Variants in ITFG2 observed in about 807,000 individuals in gnomAD.
The protein encoded by ITFG2 is integrin alpha FG-GAP repeat containing 2.
Under a neutral mutation model 54.4 loss-of-function variants are expected in ITFG2, and 36 were observed. That is an observed-to-expected ratio of 0.66 (90% CI 0.51 to 0.87). ITFG2 has a LOEUF of 0.87. Among genes scored for constraint, ITFG2 ranks in the 40% least tolerant of loss-of-function variants. The pLI, the probability that ITFG2 is intolerant of heterozygous loss-of-function variation, is 0.00. For synonymous variants in ITFG2, 211 were observed against 225.4 expected, an observed-to-expected ratio of 0.94 and a Z score of 0.57; for missense variants, 524 against 576.7, an observed-to-expected ratio of 0.91 and a Z score of 0.94.
intron 1 of ITFG2, among the ~76,000 whole-genome samples, chr12:2,813,482 G>GA (rs2097914224): frequency 6.6e-6 from 1 of 152,142 alleles, no homozygotes; most frequent in African/African-American, 2.4e-5. Flanking sequence ...AAATGAACGA[G>GA]AGAGTTCCAG....
intron 2 of ITFG2, among the ~76,000 whole-genome samples, chr12:2,854,493 G>A (rs1042614055): frequency 1.3e-5 from 2 of 152,124 alleles, no homozygotes; most frequent in Admixed American, 1.3e-4. Context: ...CCAGGCCTTC[G>A]GGCTACAGCT....
chr12:2,841,635 C>A (rs961582255), intron 2 of ITFG2, among the ~76,000 whole-genome samples: 9 of 152,194 alleles, frequency 5.9e-5, no homozygotes, highest in African/African-American at 1.4e-4. Flanking sequence ...AGTTAAACCA[C>A]ACGCTGGATT....
intron 2 of ITFG2, 136 bp from the exon 3 acceptor site, chr12:2,817,773 T>TCACC: frequency 1.3e-6 from 1 of 794,044 alleles, no homozygotes; most frequent in Non-Finnish European, 2.0e-6. Context: ...ATAAAGACCA[T>TCACC]CACCATGGTT....
chr12:2,814,007 A>C (rs756969732), intron 1 of ITFG2, among the ~76,000 whole-genome samples: 5 of 152,176 alleles, frequency 3.3e-5, no homozygotes, highest in Non-Finnish European at 7.3e-5. Context: ...GCAGTGGTGC[A>C]ATCGTAGCTC....
At chr12:2,837,699 T>A (rs1037973856) in intron 1 of ITFG2, among the ~76,000 whole-genome samples, 1 of 151,720 alleles carries the variant, frequency 6.6e-6, no homozygotes, top group African/African-American at 2.4e-5. Context: ...TGTGGTGGCA[T>A]GTACCTATAG....
rs568574723 is a variant in ITFG2, at chr12:2,817,933, G to A, written c.217G>A (p.Val73Met). ...GCTGACTTGCGTTGGGGTTGGAGAC[G>A]TGTGTAATAAAGGAAAGGTAAGAAC... ...GMLTCVGVGDVCNKGKNLLVA... is the reference protein window; with the variant it reads ...GMLTCVGVGDMCNKGKNLLVA... The change falls in exon 3 of 12, where the codon GTG becomes ATG. Residue 73 changes from valine (V) to methionine (M), a missense_variant. By Grantham distance (21) the Val-to-Met change is conservative. Coordinates refer to ENST00000228799, the MANE Select transcript of ITFG2 (RefSeq NM_018463.4). 7.4e-6 allele frequency: 12 copies of A among 1,613,840 alleles called. No homozygotes were observed. The highest frequency in any genetic ancestry group is 1.7e-5 in the Admixed American group (1 of 59,942).
Position 2,850,513 on chromosome 12 carries a change from A to G in ITFG2, n.301-7499A>G, listed in dbSNP as rs2153928428. On this transcript the variant is annotated intron_variant and non_coding_transcript_variant, in intron 2 of 3. Transcript: ENST00000537710. ...AAAAAAAATGGGGCCCCAGGTCATG[A>G]TAATGGGCTGCCAGGTTTACATGTA... 1.3e-5 allele frequency among the ~76,000 whole-genome samples: 2 copies of G among 150,236 alleles called. 1 individual carries two copies.
At chr12:2,846,688 C>G (rs1459215499) in intron 2 of ITFG2, among the ~76,000 whole-genome samples, 3 of 151,782 alleles carry the variant, frequency 2.0e-5, no homozygotes, top group Admixed American at 2.0e-4. Flanking sequence ...GGTAAATTCC[C>G]AGAGCCCTGG....
downstream of ITFG2, among the ~76,000 whole-genome samples, chr12:2,828,851 CAAAA>C (rs914259779): frequency 5.9e-5 from 9 of 151,760 alleles, no homozygotes; most frequent in Non-Finnish European, 1.0e-4. Flanking sequence ...TCAAAACAAA[CAAAA>C]AAACTGGTTT....
intron 2 of ITFG2, chr12:2,849,668 A>G (rs916320415): frequency 1.1e-6 from 1 of 910,342 alleles, no homozygotes; most frequent in East Asian, 2.6e-5. Flanking sequence ...CTGTCTCTCC[A>G]CCTAATCGGA....
Position 2,824,638 on chromosome 12 carries a change from C to T in ITFG2, c.*445C>T, listed in dbSNP as rs890435940. 14 of 194,560 alleles carry T rather than the reference C, an allele frequency of 7.2e-5. No homozygotes were observed. The highest frequency in any genetic ancestry group is 1.1e-4 in the Admixed American group (2 of 18,164). 12.1% of individuals were successfully genotyped at this position (194,560 alleles called of 1,614,324 possible). A position where few individuals can be genotyped will look rare whatever the true frequency, so the allele number is the denominator to read the frequency against. ...CCGTGGCACAATTCCAAGTTCTTGACGTTAGTAATTGTTAAAGGAATGGCA... is the reference window on the plus strand; with the variant it reads ...CCGTGGCACAATTCCAAGTTCTTGATGTTAGTAATTGTTAAAGGAATGGCA... On this transcript the variant is annotated 3_prime_UTR_variant, in exon 12 of 12. Transcript: ENST00000228799.
intron 1 of ITFG2, 94 bp from the exon 2 acceptor site, chr12:2,817,129 T>G: frequency 2.8e-6 from 2 of 721,696 alleles, no homozygotes; most frequent in Non-Finnish European, 4.9e-6. Flanking sequence ...CAAGTTGAGG[T>G]CTTGTGATTA....
At chr12:2,850,989 T>G (rs1452986555) in intron 2 of ITFG2, among the ~76,000 whole-genome samples, 1 of 141,046 alleles carries the variant, frequency 7.1e-6, no homozygotes, top group Non-Finnish European at 1.5e-5. Context: ...TTTTTTTTTT[T>G]TTTTTTTTTT....
intron 2 of ITFG2, 152 bp downstream of exon 2, chr12:2,817,470 G>T: frequency 1.6e-6 from 1 of 607,756 alleles, no homozygotes. Flanking sequence ...TTGATTCAGG[G>T]AGGGCAGCCC....
At chr12:2,828,711 G>A (rs181251804), downstream of ITFG2, among the ~76,000 whole-genome samples, 2 of 152,034 alleles carry the variant, frequency 1.3e-5, no homozygotes, top group East Asian at 1.9e-4. Context: ...GTGTGGTGGC[G>A]CATGCCTGTA....
intron 2 of ITFG2, chr12:2,855,115 G>T (rs760936412): frequency 1.3e-6 from 2 of 1,534,096 alleles, no homozygotes; most frequent in South Asian, 1.2e-5. Flanking sequence ...GGGGTGCTCC[G>T]TGGGGGGGCA....
intron 2 of ITFG2, among the ~76,000 whole-genome samples, chr12:2,852,198 A>C (rs1272578497): frequency 6.6e-6 from 1 of 152,158 alleles, no homozygotes; most frequent in Non-Finnish European, 1.5e-5. Context: ...ACATTCCTTC[A>C]TTCCTGGTTC....
At chr12:2,834,975 A>G, upstream of ITFG2, 1 of 1,580,158 alleles carries the variant, frequency 6.3e-7, no homozygotes, top group Middle Eastern at 1.7e-4. Flanking sequence ...GAGGAAAAAT[A>G]AATAACATGC....
rs1363786276 is a variant in ITFG2, at chr12:2,823,835, A to G, written c.1132A>G (p.Ile378Val). ...CGTATATGTCACTTTCAACCAGAAG[A>G]TCTATGTGTACTGGGAGGTGCAGCT... ...CLVYVTFNQK[I>V]YVYWEVQLER... The change falls in exon 11 of 12, where the codon ATC becomes GTC. Residue 378 changes from isoleucine (I) to valine (V), a missense_variant. Ile to Val is a conservative substitution (Grantham distance 29, BLOSUM62 3). Coordinates refer to ENST00000228799, the MANE Select transcript of ITFG2 (RefSeq NM_018463.4). 6.2e-7 allele frequency: 1 copy of G among 1,610,890 alleles called. No homozygotes were observed. The highest frequency in any genetic ancestry group is 8.5e-7 in the Non-Finnish European group (1 of 1,178,270).
Sources: gnomAD v4.1 joint callset for allele counts (sites outside exome capture counted in the v4.1 genomes callset) on GRCh38, gnomAD v4.1.1 for gene constraint, MANE v1.5 for transcripts, NCBI Gene and HGNC (gene_info 2026-07-23, HGNC 2026-07-21) for gene names.